Variants in HERC1 observed in about 807,000 individuals in gnomAD.
The protein encoded by HERC1 is HECT and RLD domain containing E3 ubiquitin protein ligase family member 1.
HERC1 carries 160 observed loss-of-function variants against 554.3 expected under a neutral mutation model. The ratio of observed to expected loss-of-function variants is 0.29; its 90% CI spans 0.25 to 0.33. The LOEUF (loss-of-function observed/expected upper bound fraction) is 0.33. Among genes scored for constraint, HERC1 ranks in the 10% least tolerant of loss-of-function variants. The pLI, the probability that HERC1 is intolerant of heterozygous loss-of-function variation, is 1.00. For missense variants in HERC1, 4,919 were observed against 5,918.5 expected (o/e 0.83, Z 5.54); for synonymous variants, 2,175 against 2,131.7 (o/e 1.02, Z -0.56).
At chr15:63,754,090 C>T (rs1319709448) in intron 7 of HERC1, among the ~76,000 whole-genome samples, 1 of 151,868 alleles carries the variant, frequency 6.6e-6, no homozygotes, top group East Asian at 1.9e-4. Context: ...AGGAGGATCG[C>T]TTGAGCCCAG....
intron 3 of HERC1, among the ~76,000 whole-genome samples, chr15:63,759,859 T>C (rs984023749): frequency 6.6e-6 from 1 of 152,192 alleles, no homozygotes; most frequent in Non-Finnish European, 1.5e-5. Context: ...ATCCAAACAA[T>C]AGAATAATAT....
At chr15:63,753,785 A>G (rs1455528583) in intron 7 of HERC1, among the ~76,000 whole-genome samples, 2 of 152,194 alleles carry the variant, frequency 1.3e-5, no homozygotes, top group South Asian at 2.1e-4. Context: ...ATACTCAACA[A>G]TAAGAAACTG....
intron 1 of HERC1, among the ~76,000 whole-genome samples, chr15:63,799,500 T>TA (rs886494086): frequency 1.3e-3 from 185 of 138,728 alleles, no homozygotes; most frequent in South Asian, 2.9e-3. Flanking sequence ...ACTCTGCCTC[T>TA]AAAAAAAAAA....
rs2141921916 is a variant in HERC1 at position 63,753,014 on chromosome 15, T to A, written c.1846A>T (p.Ile616Phe). Residue 616 changes from isoleucine (I) to phenylalanine (F), a missense_variant, in exon 8 of 78, where the codon ATT becomes TTT. Physicochemically the swap from Ile to Phe is conservative, Grantham distance 21 (BLOSUM62 0). Transcript: ENST00000443617. ...KVIEALQGMFIRKVCAGSQSS... is the reference protein window; with the variant it reads ...KVIEALQGMFFRKVCAGSQSS... ...TGGCTCCCAGCACAAACTTTGCGAA[T>A]GAACATTCCTTGTAAAGCTTCAATA... is the stretch of plus-strand genomic sequence containing the variant. 2 of 1,613,716 alleles carry A rather than the reference T, an allele frequency of 1.2e-6. No homozygotes were observed. Among genetic ancestry groups the A allele is most frequent in the African/African-American group, 2.7e-5 (2 of 75,056 alleles).
chr15:63,694,648 A>T lies in HERC1; in HGVS notation c.5243-99T>A, dbSNP rs2072299726. ...AAATATTAATAACATGAAACACTAA[A>T]TTATTTATTCTTTACCTATAAGTTT... On this transcript the variant is annotated intron_variant, in intron 28 of 77. Coordinates refer to ENST00000443617, the MANE Select transcript of HERC1 (RefSeq NM_003922.4). This position sits in a 1 kb window ranked among gnomAD's most constrained non-coding sequence, Gnocchi z 4.3. 2 of 1,437,512 alleles carry T rather than the reference A, an allele frequency of 1.4e-6. No individual in the cohort carries two copies. The highest frequency in any genetic ancestry group is 2.9e-5 in the African/African-American group (2 of 69,760). The allele number at this position is 1,437,512 out of a possible 1,614,324, so 89.0% of individuals were successfully genotyped here.
intron 26 of HERC1, 143 bp downstream of exon 26, chr15:63,698,585 A>C: frequency 1.3e-6 from 1 of 759,334 alleles, no homozygotes; most frequent in Non-Finnish European, 2.1e-6. Flanking sequence ...TCTAGTGAAG[A>C]ATGTTATGTT....
At position 63,689,587 on chromosome 15, in the gene HERC1, AC is replaced by A; in HGVS notation, c.6048+1del. 6.7e-7 allele frequency: 1 copy of A among 1,500,134 alleles called. No individual in the cohort carries two copies. The highest frequency in any genetic ancestry group is 9.0e-7 in the Non-Finnish European group (1 of 1,105,430). The allele number at this position is 1,500,134 out of a possible 1,614,324, so 92.9% of individuals were successfully genotyped here. Reference sequence around the variant, plus strand: ...AAATACCTTTTAGGAAAAACCAATTACCTGTAGTTTTATTTCTTGTTCTTTT... The same window carrying A: ...AAATACCTTTTAGGAAAAACCAATTACTGTAGTTTTATTTCTTGTTCTTTT... On this transcript the variant is annotated splice_donor_variant, in intron 33 of 77. Coordinates refer to ENST00000443617, the MANE Select transcript of HERC1 (RefSeq NM_003922.4). LOFTEE classifies it high-confidence loss of function.
At chr15:63,795,690 G>A (rs1241862270) in intron 1 of HERC1, among the ~76,000 whole-genome samples, 3 of 152,156 alleles carry the variant, frequency 2.0e-5, no homozygotes, top group Admixed American at 1.3e-4. Context: ...TCTGCAGAAA[G>A]GGTATACTCG....
chr15:63,782,243 C>A (rs1238557368), intron 1 of HERC1, among the ~76,000 whole-genome samples: 1 of 152,174 alleles, frequency 6.6e-6, no homozygotes, highest in African/African-American at 2.4e-5. Flanking sequence ...AGAAATAATT[C>A]AATACCTGCC....
rs374828607 is a variant in HERC1, at chr15:63,666,477, G to C, written c.8207-5C>G. ...TACTGCTTGGGTCTGACAAGGCTGA[G>C]ACAAAAGGAAGAGAAATAAGAACCT... On this transcript the variant is annotated splice_polypyrimidine_tract_variant and splice_region_variant and intron_variant, in intron 40 of 77. Coordinates refer to ENST00000443617, the MANE Select transcript of HERC1 (RefSeq NM_003922.4). 6.4e-7 allele frequency: 1 copy of C among 1,563,998 alleles called. No individual in the cohort carries two copies. The highest frequency in any genetic ancestry group is 8.7e-7 in the Non-Finnish European group (1 of 1,143,374).
intron 26 of HERC1, among the ~76,000 whole-genome samples, chr15:63,697,752 G>A (rs1198400170): frequency 6.6e-6 from 1 of 152,132 alleles, no homozygotes; most frequent in African/African-American, 2.4e-5. Flanking sequence ...ACCGCGCCCG[G>A]CCAATCTTAA....
chr15:63,671,214 A>G (rs1033653949), intron 39 of HERC1, among the ~76,000 whole-genome samples: 1 of 150,810 alleles, frequency 6.6e-6, no homozygotes, highest in African/African-American at 2.4e-5. Context: ...AAAAAAAAAA[A>G]AAAAAAAATT....
chr15:63,634,791 G>C lies in HERC1; in HGVS notation c.12512C>G (p.Thr4171Ser). ...GDYGRLGLGN[T>S]SNKKLPERVT... ...TCTCTCTGGAAGTTTTTTGTTAGAG[G>C]TATTTCCAAGACCCAGACGACCATA... The change falls in exon 66 of 78, where the codon ACC becomes AGC. Residue 4171 changes from threonine to serine, a missense_variant. Coordinates refer to ENST00000443617, the MANE Select transcript of HERC1 (RefSeq NM_003922.4). The C allele has an allele frequency of 6.2e-7, 1 of 1,613,140 alleles. No individual in the cohort carries two copies.
intron 36 of HERC1, among the ~76,000 whole-genome samples, chr15:63,679,030 C>T (rs554653803): frequency 9.8e-5 from 15 of 152,300 alleles, no homozygotes; most frequent in Admixed American, 8.5e-4. Flanking sequence ...AGGTTAACTG[C>T]TATTAGTATT....
At chr15:63,786,966 C>T (rs1450347750) in intron 1 of HERC1, among the ~76,000 whole-genome samples, 1 of 147,430 alleles carries the variant, frequency 6.8e-6, no homozygotes, top group African/African-American at 2.5e-5. Flanking sequence ...CTCTTGTTGC[C>T]CAGTCGGTAG....
At chr15:63,691,874 C>T (rs1183397978) in intron 31 of HERC1, among the ~76,000 whole-genome samples, 1 of 152,146 alleles carries the variant, frequency 6.6e-6, no homozygotes, top group Non-Finnish European at 1.5e-5. Flanking sequence ...GCAAATTTCA[C>T]GTTACGTGCA....
At position 63,638,545 on chromosome 15, in the gene HERC1, C is replaced by T; in HGVS notation, c.11968-9G>A. The T allele has an allele frequency of 6.2e-7, 1 of 1,613,688 alleles. No homozygotes were observed. Among genetic ancestry groups the T allele is most frequent in the South Asian group, 1.1e-5 (1 of 91,066 alleles). Reference sequence around the variant, plus strand: ...CCTCCCAGGTGCCAGTCCTAGAAAACCACAATCATCTCAAAATTAGAGTCA... The same window carrying T: ...CCTCCCAGGTGCCAGTCCTAGAAAATCACAATCATCTCAAAATTAGAGTCA... On this transcript the variant is annotated splice_polypyrimidine_tract_variant and intron_variant, in intron 62 of 77. Coordinates refer to ENST00000443617, the MANE Select transcript of HERC1 (RefSeq NM_003922.4).
In HERC1 at chr15:63,681,102, A is replaced by G. The variant is rs997359903; in HGVS notation, c.6226-326T>C. ...ATGAAAACTTTAATTCTTTACATATAGATTTTAACTACTCTCTTGCATATA... is the reference window on the plus strand; with the variant it reads ...ATGAAAACTTTAATTCTTTACATATGGATTTTAACTACTCTCTTGCATATA... On this transcript the variant is annotated intron_variant, in intron 34 of 77. Coordinates refer to ENST00000443617, the MANE Select transcript of HERC1 (RefSeq NM_003922.4). 2.6e-5 allele frequency among the ~76,000 whole-genome samples: 4 copies of G among 152,338 alleles called. No individual in the cohort carries two copies. In the South Asian group the frequency reaches 8.3e-4, roughly 32 times the overall value.
intron 25 of HERC1, among the ~76,000 whole-genome samples, chr15:63,705,807 A>G (rs1002378880): frequency 6.6e-6 from 1 of 152,104 alleles, no homozygotes; most frequent in Non-Finnish European, 1.5e-5. Flanking sequence ...AGGTGGGAGG[A>G]CTGCTTGAGC....
Sources: gnomAD v4.1 joint callset for allele counts (sites outside exome capture counted in the v4.1 genomes callset) on GRCh38, gnomAD v4.1.1 for gene constraint, Gnocchi (gnomAD v3.1) non-coding constraint, MANE v1.5 for transcripts, NCBI Gene and HGNC (gene_info 2026-07-23, HGNC 2026-07-21) for gene names.